The following ABCC12 variants were observed in gnomAD, a reference collection of about 807,000 sequenced individuals.
ABCC12 encodes the protein ATP binding cassette subfamily C member 12, also known as ATP-binding cassette sub-family C member 12.
In ABCC12, 142 loss-of-function variants were observed where a neutral mutation model predicts 151.1. The ratio of observed to expected loss-of-function variants is 0.94; its 90% CI spans 0.82 to 1.08. The LOEUF is 1.08. ABCC12 is among the 50% of genes least tolerant of loss of function. The pLI, the probability that ABCC12 is intolerant of heterozygous loss-of-function variation, is 0.00. For synonymous variants in ABCC12, 645 were observed against 646.4 expected, an observed-to-expected ratio of 1.00 and a Z score of 0.03; for missense variants, 1,638 against 1,691.1, an observed-to-expected ratio of 0.97 and a Z score of 0.55.
chr16:48,140,562 A>T, intron 6 of ABCC12, 125 bp downstream of exon 6: 1 of 894,814 alleles, frequency 1.1e-6, no homozygotes, highest in Non-Finnish European at 1.7e-6. Flanking sequence ...AGGAGATGGG[A>T]CATGATGGGC....
Position 48,104,258 on chromosome 16 carries a change from C to A in ABCC12, c.2784G>T (p.Glu928Asp). The A allele has an allele frequency of 6.2e-7, 1 of 1,614,256 alleles. No individual in the cohort carries two copies. The highest frequency in any genetic ancestry group is 1.3e-5 in the African/African-American group (1 of 75,066). The change falls in exon 22 of 31, where the codon GAG becomes GAT. Residue 928 changes from glutamate (E) to aspartate (D), a missense_variant. By Grantham distance (45) the Glu-to-Asp change is conservative. Coordinates refer to ENST00000311303, the MANE Select transcript of ABCC12 (RefSeq NM_001393797.1). ...ELDVRLPFHA[E>D]NFLQQFFMVV... The stretch of plus-strand genomic sequence containing the variant: ...CCATAAAAAACTGCTGCAGAAAGTT[C>A]TCTGCGTGAAACGGCAGCCTCACAT...
In ABCC12 at chr16:48,130,988, AG is replaced by A. The variant is rs1471043130; in HGVS notation, c.1129-94del. The A allele has an allele frequency of 3.7e-6, 3 of 819,578 alleles. No individual in the cohort carries two copies. The African/African-American group carries it at 5.0e-5, about 14-fold the overall frequency. The allele number at this position is 819,578 out of a possible 1,614,324, so 50.8% of individuals were successfully genotyped here. On this transcript the variant is annotated intron_variant, in intron 9 of 30. Coordinates refer to ENST00000311303, the MANE Select transcript of ABCC12 (RefSeq NM_001393797.1). ...CATGGGGTTTAAACTTGCTGAGATG[AG>A]AAATGGTGGCATCGTTGGAATGTGC...
intron 2 of ABCC12, among the ~76,000 whole-genome samples, chr16:48,152,424 G>A (rs1025160837): frequency 3.9e-5 from 6 of 152,262 alleles, no homozygotes; most frequent in South Asian, 2.1e-4. Flanking sequence ...TGCAACTGCC[G>A]GGCACAGCGG....
At chr16:48,121,628 C>G (rs991075049) in intron 13 of ABCC12, 88 bp downstream of exon 13, 5 of 1,523,370 alleles carry the variant, frequency 3.3e-6, no homozygotes, top group African/African-American at 1.4e-5. Flanking sequence ...TCAGAACCCA[C>G]TTAGCAGTCA....
chr16:48,148,942 T>G (rs1159104982), intron 2 of ABCC12, among the ~76,000 whole-genome samples: 1 of 152,018 alleles, frequency 6.6e-6, no homozygotes, highest in African/African-American at 2.4e-5. Flanking sequence ...ATATTTCCAA[T>G]ACCTAGCATA....
intron 9 of ABCC12, among the ~76,000 whole-genome samples, chr16:48,131,379 T>C (rs1443557799): frequency 6.6e-6 from 1 of 152,106 alleles, no homozygotes; most frequent in African/African-American, 2.4e-5. Flanking sequence ...TGCTTGCCCC[T>C]GGGGGAAGCT....
At position 48,139,176 on chromosome 16, in the gene ABCC12, A is replaced by C. The variant is rs1266394328; in HGVS notation, c.818T>G (p.Phe273Cys). Residue 273 changes from phenylalanine (F) to cysteine (C), a missense_variant, in exon 7 of 31, where the codon TTC (phenylalanine) becomes TGC (cysteine). By Grantham distance (205) the Phe-to-Cys change is radical. Transcript: ENST00000311303. ...ALIGISVYVIFIPVQMFMAKL... is the reference protein window; with the variant it reads ...ALIGISVYVICIPVQMFMAKL... ...GCCTGCCGTTACCTGGACGGGTATG[A>C]ATATGACATACACTGATATCCCGAT... 1.2e-6 allele frequency: 2 copies of C among 1,603,552 alleles called. No individual in the cohort carries two copies. Among genetic ancestry groups the C allele is most frequent in the Non-Finnish European group, 1.7e-6 (2 of 1,177,180 alleles).
Position 48,111,759 on chromosome 16 carries a change from G to T in ABCC12, c.2124+17C>A. ...TTCCGCCCCAATTGTTCCCACACCT[G>T]CCCAGGTGTGAGTTACCTTGAACTG... On this transcript the variant is annotated intron_variant, in intron 16 of 30. Transcript: ENST00000311303. The T allele has an allele frequency of 6.2e-7, 1 of 1,614,108 alleles. No individual in the cohort carries two copies. Among genetic ancestry groups the T allele is most frequent in the Admixed American group, 1.7e-5 (1 of 60,016 alleles).
Position 48,104,251 on chromosome 16 carries a change from G to T in ABCC12, c.2791C>A (p.Leu931Met), listed in dbSNP as rs748771916. Residue 931 changes from leucine (L) to methionine (M), a missense_variant, in exon 22 of 31, where the codon CTG (leucine) becomes ATG (methionine). Leu to Met is a conservative substitution (Grantham distance 15). Coordinates refer to ENST00000311303, the MANE Select transcript of ABCC12 (RefSeq NM_001393797.1). ...VRLPFHAENF[L>M]QQFFMVVFIL... ...AACACCACCATAAAAAACTGCTGCA[G>T]AAAGTTCTCTGCGTGAAACGGCAGC... The T allele has an allele frequency of 6.2e-7, 1 of 1,614,238 alleles. No individual in the cohort carries two copies. The highest frequency in any genetic ancestry group is 2.2e-5 in the East Asian group (1 of 44,890).
At chr16:48,152,471 C>T (rs2150687468) in intron 2 of ABCC12, among the ~76,000 whole-genome samples, 1 of 152,320 alleles carries the variant, frequency 6.6e-6, no homozygotes, top group Middle Eastern at 3.4e-3. Flanking sequence ...CAACCTACGA[C>T]CTCCCAGTGG....
chr16:48,104,360 C>G lies in ABCC12; in HGVS notation c.2682G>C (p.Lys894Asn). 6.2e-7 allele frequency: 1 copy of G among 1,614,164 alleles called. No individual in the cohort carries two copies. The change falls in exon 22 of 31, where the codon AAG (lysine) becomes AAC (asparagine). Residue 894 changes from lysine to asparagine, a missense_variant. Coordinates refer to ENST00000311303, the MANE Select transcript of ABCC12 (RefSeq NM_001393797.1). The stretch of plus-strand genomic sequence containing the variant: ...TCGTGTCAAAGAAACTCATTGGGCT[C>G]TTTAAGATCTGTGGAGAATGGTAGA... ...LHDTVFDKILKSPMSFFDTTP... is the reference protein window; with the variant it reads ...LHDTVFDKILNSPMSFFDTTP...
chr16:48,140,739 A>T lies in ABCC12; in HGVS notation c.605T>A (p.Val202Asp). 1 of 1,614,206 alleles carries T rather than the reference A, an allele frequency of 6.2e-7. No homozygotes were observed. Among genetic ancestry groups the T allele is most frequent in the East Asian group, 2.2e-5 (1 of 44,878 alleles). The part of the protein sequence containing the change: ...IRLKVALSTL[V>D]FENLVSFKTL... ...CTTGAAGGACACTAGGTTTTCAAAA[A>T]CCAAGGTGGAGAGCGCCACCTTCAA... The change falls in exon 6 of 31, where the codon GTT becomes GAT. Residue 202 changes from valine to aspartate, a missense_variant. Val to Asp is a radical substitution (Grantham distance 152). Coordinates refer to ENST00000311303, the MANE Select transcript of ABCC12 (RefSeq NM_001393797.1).
chr16:48,127,403 C>T (rs1270121599), intron 11 of ABCC12, among the ~76,000 whole-genome samples: 1 of 152,192 alleles, frequency 6.6e-6, no homozygotes, highest in Admixed American at 6.5e-5. Flanking sequence ...AATCTCCATC[C>T]CCCAATCTTG....
At position 48,134,051 on chromosome 16, in the gene ABCC12, C is replaced by T. The variant is rs1964525260; in HGVS notation, c.980-216G>A. Among the ~76,000 whole-genome samples the T allele has an allele frequency of 2.6e-5, 4 of 152,186 alleles. No individual in the cohort carries two copies. In the South Asian group the frequency reaches 8.3e-4, roughly 32 times the overall value. ...GCTGCCGTAAGTGGATGGTGTCCAA[C>T]TTCCCTTCCAGCCCTGACACTCTGT... On this transcript the variant is annotated intron_variant, in intron 8 of 30. Coordinates refer to ENST00000311303, the MANE Select transcript of ABCC12 (RefSeq NM_001393797.1).
rs187529214 is a variant in ABCC12 at position 48,108,160 on chromosome 16, A to C, written c.2371+280T>G. Among the ~76,000 whole-genome samples, 148 of 152,350 alleles carry C rather than the reference A, an allele frequency of 9.7e-4. 1 individual carries two copies. The highest frequency in any genetic ancestry group is 3.4e-3 in the Middle Eastern group (1 of 294). ...CTGGCAATGGACTGGCCACTGCTGT[A>C]CAGAGCAACTGGAGTGCAAGGGTAG... On this transcript the variant is annotated intron_variant, in intron 19 of 30. Transcript: ENST00000311303.
chr16:48,104,082 C>A, intron 22 of ABCC12, 60 bp downstream of exon 22: 1 of 1,534,478 alleles, frequency 6.5e-7, no homozygotes, highest in Non-Finnish European at 8.9e-7. Context: ...TCAATATCAC[C>A]TGATACCCAG....
In ABCC12 at chr16:48,082,577, A is replaced by C. The variant is rs552523184; in HGVS notation, c.*1138T>G. ...CCAGGTGCCAGGCACTCCTTCCTCC[A>C]CGTCTGGGGAAGCAAGTACGTGACC... On this transcript the variant is annotated 3_prime_UTR_variant, in exon 31 of 31. Coordinates refer to ENST00000311303, the MANE Select transcript of ABCC12 (RefSeq NM_001393797.1). Among the ~76,000 whole-genome samples, 1 of 152,148 alleles carries C rather than the reference A, an allele frequency of 6.6e-6. No individual in the cohort carries two copies. Among genetic ancestry groups the C allele is most frequent in the African/African-American group, 2.4e-5 (1 of 41,514 alleles).
chr16:48,124,350 G>A, intron 11 of ABCC12, 66 bp from the exon 12 acceptor site: 5 of 1,520,810 alleles, frequency 3.3e-6, no homozygotes, highest in Non-Finnish European at 4.6e-6. Flanking sequence ...TGGCCCAAAG[G>A]TGCCACTCCC....
chr16:48,111,143 T>A (rs1215722945), intron 18 of ABCC12, among the ~76,000 whole-genome samples: 1 of 152,232 alleles, frequency 6.6e-6, no homozygotes, highest in Non-Finnish European at 1.5e-5. Flanking sequence ...TTTATGTTCA[T>A]TTTCTCATTT....
Sources: allele counts gnomAD v4.1 joint callset (sites outside exome capture counted in the v4.1 genomes callset), GRCh38; gene constraint gnomAD v4.1.1; transcripts MANE v1.5; gene names NCBI Gene and HGNC (gene_info 2026-07-23, HGNC 2026-07-21).